The following LRP11 variants were observed in gnomAD, a reference collection of about 807,000 sequenced individuals.
The protein encoded by LRP11 is low-density lipoprotein receptor-related protein 11.
In LRP11, 25 loss-of-function variants were observed where a neutral mutation model predicts 43.1. That is an observed-to-expected ratio of 0.58 (90% CI 0.42 to 0.81). LRP11 has a LOEUF of 0.81. LRP11 is among the 30% of genes least tolerant of loss of function. The probability of loss-of-function intolerance (pLI) is 0.00; values close to 1 mark genes in which losing one functional copy is unlikely to be tolerated. For synonymous variants in LRP11, 316 were observed against 299.4 expected, an observed-to-expected ratio of 1.06 and a Z score of -0.57; for missense variants, 623 against 665.1, an observed-to-expected ratio of 0.94 and a Z score of 0.70.
At chr6:149,839,051 GTTTTT>G (rs1354326315) in intron 3 of LRP11, among the ~76,000 whole-genome samples, 5 of 145,374 alleles carry the variant, frequency 3.4e-5, no homozygotes, top group African/African-American at 1.1e-4. Context: ...CATACACTTG[GTTTTT>G]TTTTGTTTTT....
At chr6:149,823,675 C>G (rs563089809) in intron 6 of LRP11, among the ~76,000 whole-genome samples, 1 of 152,240 alleles carries the variant, frequency 6.6e-6, no homozygotes, top group African/African-American at 2.4e-5. Flanking sequence ...TTTTTAGAAT[C>G]CCAGGTAAAA....
At position 149,837,452 on chromosome 6, in the gene LRP11, T is replaced by C; in HGVS notation, c.925A>G (p.Thr309Ala). Reference protein sequence around the residue: ...AAYSTGGCLHTCSRYHFFCDD... With the variant: ...AAYSTGGCLHACSRYHFFCDD... ...CAGAAGAAGTGGTAGCGTGAGCAAG[T>C]GTGCAAACATCCTATTTGTAAACAA... Residue 309 changes from threonine (T) to alanine (A), a missense_variant, in exon 4 of 7, where the codon ACT becomes GCT. Coordinates refer to ENST00000239367, the MANE Select transcript of LRP11 (RefSeq NM_032832.6). The C allele has an allele frequency of 6.2e-7, 1 of 1,613,942 alleles. No individual in the cohort carries two copies. Among genetic ancestry groups the C allele is most frequent in the Non-Finnish European group, 8.5e-7 (1 of 1,179,982 alleles).
chr6:149,849,916 C>T (rs969640081), intron 2 of LRP11, among the ~76,000 whole-genome samples: 13 of 152,102 alleles, frequency 8.5e-5, no homozygotes, highest in Non-Finnish European at 1.5e-5. Context: ...GTCACTTGGA[C>T]ATGAAAAGAT....
chr6:149,838,628 T>C (rs932060036), intron 3 of LRP11, among the ~76,000 whole-genome samples: 1 of 150,180 alleles, frequency 6.7e-6, no homozygotes, highest in African/African-American at 2.5e-5. Context: ...GAGGTTGCAG[T>C]GAGCCAAGAT....
At chr6:149,858,758 T>C (rs772583177) in intron 1 of LRP11, among the ~76,000 whole-genome samples, 2 of 152,234 alleles carry the variant, frequency 1.3e-5, no homozygotes, top group African/African-American at 2.4e-5. Flanking sequence ...AGCTTCACAA[T>C]TGCCACTTGA....
chr6:149,855,813 G>A (rs1368683104), intron 1 of LRP11, among the ~76,000 whole-genome samples: 1 of 151,900 alleles, frequency 6.6e-6, no homozygotes, highest in Non-Finnish European at 1.5e-5. Context: ...ACTTAAGAGT[G>A]AGGACTAGTA....
At chr6:149,822,804 T>C (rs934452582) in intron 6 of LRP11, among the ~76,000 whole-genome samples, 4 of 152,216 alleles carry the variant, frequency 2.6e-5, no homozygotes, top group African/African-American at 9.6e-5. Flanking sequence ...TGAGTGATTT[T>C]GATGTATGAT....
chr6:149,842,250 GT>G (rs903574950), intron 3 of LRP11, among the ~76,000 whole-genome samples: 2 of 151,532 alleles, frequency 1.3e-5, no homozygotes, highest in African/African-American at 2.4e-5. Flanking sequence ...CCTTTTCCTT[GT>G]TTTTTTAATA....
chr6:149,855,859 G>T (rs1048395815), intron 1 of LRP11, among the ~76,000 whole-genome samples: 1 of 152,116 alleles, frequency 6.6e-6, no homozygotes, highest in Non-Finnish European at 1.5e-5. Flanking sequence ...ACAATCCCCT[G>T]CCTAGGAAGA....
chr6:149,856,892 G>C (rs60981297), intron 1 of LRP11, among the ~76,000 whole-genome samples: 16,295 of 152,004 alleles, frequency 0.11, 2,389 homozygotes, highest in African/African-American at 0.34. Context: ...GAAGCGGGGC[G>C]AGACTAGGGG....
Position 149,826,263 on chromosome 6 carries a change from C to T in LRP11, c.1348+1G>A. On this transcript the variant is annotated splice_donor_variant, in intron 6 of 6. Coordinates refer to ENST00000239367, the MANE Select transcript of LRP11 (RefSeq NM_032832.6). LOFTEE classifies it high-confidence loss of function. ...AAAGGGTTTCCAAGGTGGACATTTA[C>T]CTGTTTCTGGGGCTGGGTGTTCCCC... 4 of 1,610,174 alleles carry T rather than the reference C, an allele frequency of 2.5e-6. No homozygotes were observed. The highest frequency in any genetic ancestry group is 3.4e-6 in the Non-Finnish European group (4 of 1,176,380).
chr6:149,864,080 A>G lies in LRP11; in HGVS notation c.-60T>C, dbSNP rs1339529063. 11 of 1,245,650 alleles carry G rather than the reference A, an allele frequency of 8.8e-6. No homozygotes were observed. In the African/African-American group the frequency reaches 1.7e-4, roughly 20 times the overall value. 77.2% of individuals were successfully genotyped at this position (1,245,650 alleles called of 1,614,324 possible). A position where few individuals can be genotyped will look rare whatever the true frequency, so the allele number is the denominator to read the frequency against. On this transcript the variant is annotated 5_prime_UTR_variant, in exon 1 of 7. Transcript: ENST00000239367. ...GGCTGAGCGCGGGAGGAAGGCGGGG[A>G]CGCGGGCGAGCGCGGGCCCTGGGCC...
chr6:149,837,268 T>C, intron 4 of LRP11, 70 bp downstream of exon 4: 1 of 1,525,356 alleles, frequency 6.6e-7, no homozygotes, highest in Non-Finnish European at 8.9e-7. Flanking sequence ...TGCATTTCAT[T>C]CTCAGAACAC....
chr6:149,826,040 T>G, intron 6 of LRP11: 2 of 521,734 alleles, frequency 3.8e-6, no homozygotes, highest in East Asian at 6.2e-5. Context: ...GTGTCACACC[T>G]GGAAGGGTGT....
chr6:149,863,352 G>A, intron 1 of LRP11, 56 bp downstream of exon 1: 2 of 1,300,984 alleles, frequency 1.5e-6, no homozygotes, highest in South Asian at 2.9e-5. Context: ...ACTTGGCGAG[G>A]GCGCTGCGGG....
At chr6:149,839,804 CCCA>C (rs1776521276) in intron 3 of LRP11, among the ~76,000 whole-genome samples, 1 of 152,130 alleles carries the variant, frequency 6.6e-6, no homozygotes, top group African/African-American at 2.4e-5. Context: ...ACAGGCGTGT[CCCA>C]CCACATCCGG....
At position 149,864,036 on chromosome 6, in the gene LRP11, G is replaced by A. The variant is rs1326810664; in HGVS notation, c.-16C>T. ...CGGAGGCCATGGCGACGAGAGCCAA[G>A]GGCAGCGAGCCGAGGCGGGGCTGAG... On this transcript the variant is annotated 5_prime_UTR_variant, in exon 1 of 7. Transcript: ENST00000239367. 2 of 1,317,076 alleles carry A rather than the reference G, an allele frequency of 1.5e-6. No homozygotes were observed. The highest frequency in any genetic ancestry group is 2.1e-5 in the South Asian group (1 of 47,312). The allele number at this position is 1,317,076 out of a possible 1,614,324, so 81.6% of individuals were successfully genotyped here. A position where few individuals can be genotyped will look rare whatever the true frequency, so the allele number is the denominator to read the frequency against.
intron 2 of LRP11, among the ~76,000 whole-genome samples, chr6:149,844,167 C>T (rs910845816): frequency 2.6e-5 from 4 of 151,398 alleles, no homozygotes; most frequent in South Asian, 2.1e-4. Flanking sequence ...GCAGGAGAAT[C>T]GCTTAAAACT....
chr6:149,820,451 C>T lies in LRP11; in HGVS notation c.*98G>A. The T allele has an allele frequency of 1.8e-6, 1 of 550,554 alleles. No homozygotes were observed. Among genetic ancestry groups the T allele is most frequent in the Non-Finnish European group, 3.3e-6 (1 of 303,330 alleles). The allele number at this position is 550,554 out of a possible 1,614,324, so 34.1% of individuals were successfully genotyped here. ...TTGGGATTTGCAGAATCTTCTGGCC[C>T]AATTAAAAACAAAAGAAGCTGTAAA... On this transcript the variant is annotated 3_prime_UTR_variant, in exon 7 of 7. Coordinates refer to ENST00000239367, the MANE Select transcript of LRP11 (RefSeq NM_032832.6).
Sources: allele counts gnomAD v4.1 joint callset (sites outside exome capture counted in the v4.1 genomes callset), GRCh38; gene constraint gnomAD v4.1.1; transcripts MANE v1.5; gene names NCBI Gene and HGNC (gene_info 2026-07-23, HGNC 2026-07-21).